The following SRFBP1 variants were observed in gnomAD, a reference collection of about 807,000 sequenced individuals.
SRFBP1 encodes the protein serum response factor-binding protein 1.
A neutral mutation model predicts 45.5 loss-of-function variants in SRFBP1; 47 were observed. The ratio of observed to expected loss-of-function variants is 1.03; its 90% confidence interval spans 0.82 to 1.32. The LOEUF is 1.32. Ranked by LOEUF, SRFBP1 falls within the 40% of genes most tolerant of loss-of-function variation. The probability of loss-of-function intolerance (pLI) is 0.00; values close to 1 mark genes in which losing one functional copy is unlikely to be tolerated. For synonymous variants in SRFBP1, 203 were observed against 166.3 expected (o/e 1.22, Z -1.70); for missense variants, 621 against 484.6 (o/e 1.28, Z -2.64).
chr5:121,975,437 T>C (rs1332108030), intron 3 of SRFBP1, 50 bp downstream of exon 3: 2 of 1,599,126 alleles, frequency 1.3e-6, no homozygotes, highest in Non-Finnish European at 1.7e-6. Flanking sequence ...AGTATCCTGT[T>C]ATCCTGCATT....
Position 122,027,132 on chromosome 5 carries a change from G to T in SRFBP1, c.*6G>T, listed in dbSNP as rs765375214. The T allele has an allele frequency of 2.5e-6, 4 of 1,579,910 alleles. No homozygotes were observed. The highest frequency in any genetic ancestry group is 3.4e-6 in the Non-Finnish European group (4 of 1,167,028). On this transcript the variant is annotated 3_prime_UTR_variant, in exon 8 of 8. Coordinates refer to ENST00000339397, the MANE Select transcript of SRFBP1 (RefSeq NM_152546.3). ...AAATTACGTTTGATGATTGATTAGT[G>T]CCTCTTTCTGCAAACTTTTCCATCT...
intron 1 of SRFBP1, among the ~76,000 whole-genome samples, chr5:121,972,208 A>G (rs762365153): frequency 5.3e-5 from 8 of 152,100 alleles, no homozygotes; most frequent in Non-Finnish European, 8.8e-5. Flanking sequence ...GCTCTAAAAG[A>G]CAGTTAAAAG....
At chr5:122,064,460 T>C (rs1305785747) in intron 2 of SRFBP1, 1 of 151,556 alleles carries the variant, frequency 6.6e-6, no homozygotes, top group Non-Finnish European at 1.5e-5. Flanking sequence ...AAAAAAATCG[T>C]CAAAATTAAC....
intron 4 of SRFBP1, among the ~76,000 whole-genome samples, chr5:122,017,170 A>G (rs1393190643): frequency 1.3e-5 from 2 of 152,186 alleles, no homozygotes; most frequent in African/African-American, 2.4e-5. Context: ...CGGAGGTTGC[A>G]GTAAGCCAAG....
rs1314459259 is a variant in SRFBP1, at chr5:121,974,233, T to C, written c.74T>C (p.Val25Ala). The C allele has an allele frequency of 1.9e-6, 3 of 1,611,240 alleles. No homozygotes were observed. Among genetic ancestry groups the C allele is most frequent in the Non-Finnish European group, 2.5e-6 (3 of 1,178,142 alleles). Residue 25 changes from valine to alanine, a missense_variant, in exon 2 of 8, where the codon GTT becomes GCT. Val to Ala is a moderately conservative substitution (Grantham distance 64). Coordinates refer to ENST00000339397, the MANE Select transcript of SRFBP1 (RefSeq NM_152546.3). ...AGAAAAGAAGTGAAGAGAATTCGAG[T>C]TTTAGTTATCCGAAAACTTGTCAGG... ...KMRKEVKRIR[V>A]LVIRKLVRSV...
chr5:122,004,316 CAT>C (rs1752937196), intron 4 of SRFBP1, among the ~76,000 whole-genome samples: 1 of 152,128 alleles, frequency 6.6e-6, no homozygotes, highest in Non-Finnish European at 1.5e-5. Flanking sequence ...TATGGTGTGA[CAT>C]AGTGGTCTAA....
rs1753271034 is a variant in SRFBP1, at chr5:122,020,075, G to T, written c.353-13G>T. ...TCAGTGCTAAAATGAGTGATGCACT[G>T]TTTCTCTTGCAGCTGCTGTACAAGC... On this transcript the variant is annotated splice_polypyrimidine_tract_variant and intron_variant, in intron 5 of 7. Coordinates refer to ENST00000339397, the MANE Select transcript of SRFBP1 (RefSeq NM_152546.3). The T allele has an allele frequency of 4.0e-6, 6 of 1,517,756 alleles. No individual in the cohort carries two copies. Among genetic ancestry groups the T allele is most frequent in the Non-Finnish European group, 4.4e-6 (5 of 1,131,636 alleles). The allele number at this position is 1,517,756 out of a possible 1,614,324, so 94.0% of individuals were successfully genotyped here.
At chr5:122,057,456 G>T (rs1374622184) in intron 2 of SRFBP1, among the ~76,000 whole-genome samples, 1 of 88,544 alleles carries the variant, frequency 1.1e-5, no homozygotes, top group African/African-American at 4.3e-5. Flanking sequence ...ATTGTTCTCA[G>T]TTCTGTGTGT....
chr5:122,076,792 C>T (rs1754649662), downstream of SRFBP1: 1 of 1,007,048 alleles, frequency 9.9e-7, no homozygotes. Context: ...GTCCCACTTC[C>T]TAACACTTGT....
At chr5:122,072,140 G>A (rs1013647301) in intron 2 of SRFBP1, among the ~76,000 whole-genome samples, 5 of 152,084 alleles carry the variant, frequency 3.3e-5, no homozygotes, top group Admixed American at 6.6e-5. Context: ...GGATTCACTG[G>A]ATTAGATATT....
At position 122,010,287 on chromosome 5, in the gene SRFBP1, T is replaced by C. The variant is rs1753065246; in HGVS notation, c.271-8973T>C. Among the ~76,000 whole-genome samples, 2 of 152,266 alleles carry C rather than the reference T, an allele frequency of 1.3e-5. 1 individual carries two copies. The highest frequency in any genetic ancestry group is 6.8e-3 in the Middle Eastern group (2 of 294). On this transcript the variant is annotated intron_variant, in intron 4 of 7. Transcript: ENST00000339397. ...ACATAGTTTTCCTTTTTGTTCTTGT[T>C]GTTTTGTCCTATTTTTATGTGTTCG...
At chr5:122,073,095 C>G (rs1454830085) in intron 2 of SRFBP1, among the ~76,000 whole-genome samples, 1 of 152,192 alleles carries the variant, frequency 6.6e-6, no homozygotes, top group Non-Finnish European at 1.5e-5. Context: ...GGTCACCAAA[C>G]AGCTTCCTGC....
At chr5:122,025,295 C>G (rs1166591620) in intron 7 of SRFBP1, among the ~76,000 whole-genome samples, 1 of 152,156 alleles carries the variant, frequency 6.6e-6, no homozygotes. Context: ...ATGAACTCAT[C>G]AGTTTTTATG....
chr5:122,057,578 C>T (rs1336714592), intron 2 of SRFBP1, among the ~76,000 whole-genome samples: 1 of 151,586 alleles, frequency 6.6e-6, no homozygotes, highest in African/African-American at 2.4e-5. Context: ...CCTCCCTCCT[C>T]AGTCTCCCAA....
At chr5:122,028,869 ACG>A (rs1753547270), downstream of SRFBP1, among the ~76,000 whole-genome samples, 1 of 152,214 alleles carries the variant, frequency 6.6e-6, no homozygotes, top group South Asian at 2.1e-4. Flanking sequence ...GGAAGGAGTT[ACG>A]GTCCAAGTAA....
chr5:121,972,371 G>C (rs1178916378), intron 1 of SRFBP1, among the ~76,000 whole-genome samples: 3 of 151,912 alleles, frequency 2.0e-5, no homozygotes, highest in Non-Finnish European at 4.4e-5. Flanking sequence ...AGAGAGAAAG[G>C]AGGACGGAGA....
intron 1 of SRFBP1, among the ~76,000 whole-genome samples, chr5:121,971,505 T>C (rs975398330): frequency 6.6e-6 from 1 of 151,844 alleles, no homozygotes; most frequent in African/African-American, 2.4e-5. Context: ...AGGTGTGAAT[T>C]TGAGGTGATT....
At chr5:122,009,797 T>A (rs574901852) in intron 4 of SRFBP1, among the ~76,000 whole-genome samples, 1 of 150,378 alleles carries the variant, frequency 6.6e-6, no homozygotes, top group African/African-American at 2.4e-5. Flanking sequence ...GCAAGGATAA[T>A]TCCCATAATC....
intron 1 of SRFBP1, among the ~76,000 whole-genome samples, chr5:121,968,979 G>A (rs1299019251): frequency 6.6e-6 from 1 of 152,142 alleles, no homozygotes; most frequent in Non-Finnish European, 1.5e-5. Context: ...ACATGGTAAA[G>A]TTGGTGAATT....
Sources: gnomAD v4.1 joint callset for allele counts (sites outside exome capture counted in the v4.1 genomes callset) on GRCh38, gnomAD v4.1.1 for gene constraint, MANE v1.5 for transcripts, NCBI Gene and HGNC (gene_info 2026-07-23, HGNC 2026-07-21) for gene names.